GRIK4: variants seen among roughly 807,000 people sequenced by gnomAD.
GRIK4 encodes the protein glutamate receptor ionotropic, kainate 4.
GRIK4 carries 40 observed loss-of-function variants against 104.9 expected under a neutral mutation model. The observed-to-expected ratio is 0.38, with a 90% CI of 0.30 to 0.50. The LOEUF is 0.50. GRIK4 is among the 20% of genes least tolerant of loss of function. The pLI is 0.93. For missense variants in GRIK4, 1,047 were observed against 1,308.1 expected (o/e 0.80, Z 3.08); for synonymous variants, 485 against 524.9 (o/e 0.92, Z 1.04).
At chr11:120,568,046 T>C (rs893801707) in intron 1 of GRIK4, among the ~76,000 whole-genome samples, 4 of 152,136 alleles carry the variant, frequency 2.6e-5, no homozygotes, top group Non-Finnish European at 4.4e-5. Context: ...GGCATGGTGG[T>C]GCCTGCCTAA....
chr11:120,570,341 A>G (rs768255073), intron 1 of GRIK4, among the ~76,000 whole-genome samples: 1 of 152,150 alleles, frequency 6.6e-6, no homozygotes, highest in Non-Finnish European at 1.5e-5. Flanking sequence ...TTTTTGAAAT[A>G]ATGGCTTTCA....
intron 3 of GRIK4, among the ~76,000 whole-genome samples, chr11:120,684,982 C>T (rs967463345): frequency 6.6e-6 from 1 of 152,098 alleles, no homozygotes; most frequent in African/African-American, 2.4e-5. Flanking sequence ...CAGGCATGAG[C>T]CACCACACCT....
intron 3 of GRIK4, among the ~76,000 whole-genome samples, chr11:120,763,137 A>G (rs1023191575): frequency 6.6e-6 from 1 of 152,194 alleles, no homozygotes; most frequent in Non-Finnish European, 1.5e-5. Flanking sequence ...TTATTGGTCT[A>G]TTCAGGAATT....
intron 3 of GRIK4, among the ~76,000 whole-genome samples, chr11:120,792,794 C>T (rs1952426798): frequency 6.6e-6 from 1 of 152,120 alleles, no homozygotes; most frequent in African/African-American, 2.4e-5. Context: ...AGATGCTCTG[C>T]AGATACGTTC....
chr11:120,665,957 C>A (rs1949907065), intron 3 of GRIK4, among the ~76,000 whole-genome samples: 1 of 152,158 alleles, frequency 6.6e-6, no homozygotes. Flanking sequence ...TTGCCCTTTC[C>A]AAAACCCATT....
At chr11:120,827,876 G>A (rs1265991469) in intron 6 of GRIK4, among the ~76,000 whole-genome samples, 1 of 152,122 alleles carries the variant, frequency 6.6e-6, no homozygotes, top group Non-Finnish European at 1.5e-5. Context: ...CTACCTCATG[G>A]GCAGCCCACT....
At chr11:120,532,889 C>CG (rs1287688089) in intron 1 of GRIK4, among the ~76,000 whole-genome samples, 1 of 152,116 alleles carries the variant, frequency 6.6e-6, no homozygotes, top group Non-Finnish European at 1.5e-5. Context: ...GGGATGAGCC[C>CG]GGTAGGGCTG....
intron 3 of GRIK4, among the ~76,000 whole-genome samples, chr11:120,736,534 G>A (rs1951225207): frequency 6.6e-6 from 1 of 152,144 alleles, no homozygotes; most frequent in African/African-American, 2.4e-5. Flanking sequence ...TAATTTACTG[G>A]TAGTGGTATT....
chr11:120,555,621 A>G lies in GRIK4; in HGVS notation c.-159+43734A>G, dbSNP rs1948179332. 6.6e-6 allele frequency among the ~76,000 whole-genome samples: 1 copy of G among 152,108 alleles called. No homozygotes were observed. The highest frequency in any genetic ancestry group is 6.5e-5 in the Admixed American group (1 of 15,268). ...CTTCTGGGGAGTTTCTTATCTGGCA[A>G]ATGGGACCGAGACACATCCAATGCC... On this transcript the variant is annotated intron_variant, in intron 1 of 20. Coordinates refer to ENST00000527524, the MANE Select transcript of GRIK4 (RefSeq NM_014619.5). The surrounding 1 kb of genome is among the most constrained non-coding windows in gnomAD (Gnocchi z 5.3).
At chr11:120,892,000 C>T (rs1955314900) in intron 11 of GRIK4, among the ~76,000 whole-genome samples, 2 of 152,188 alleles carry the variant, frequency 1.3e-5, no homozygotes, top group East Asian at 1.9e-4. Flanking sequence ...GGCGAGGCTA[C>T]GTTCCAATAA....
intron 2 of GRIK4, among the ~76,000 whole-genome samples, chr11:120,654,699 G>A (rs559035519): frequency 1.3e-5 from 2 of 152,286 alleles, no homozygotes; most frequent in East Asian, 3.9e-4. Context: ...GAGCAGCAGT[G>A]CATAGCATCT....
At chr11:120,937,965 AT>A (rs937960695) in intron 13 of GRIK4, among the ~76,000 whole-genome samples, 54 of 150,690 alleles carry the variant, frequency 3.6e-4, no homozygotes, top group East Asian at 5.8e-4. Flanking sequence ...ATTGATTTGG[AT>A]TTTTTTTTTA....
chr11:120,806,384 G>A (rs888342762), intron 4 of GRIK4, among the ~76,000 whole-genome samples: 14 of 152,102 alleles, frequency 9.2e-5, no homozygotes, highest in African/African-American at 3.1e-4. Flanking sequence ...TAAAGTTGTG[G>A]TGAGCCACCT....
chr11:120,777,425 A>G (rs1227848973), intron 3 of GRIK4, among the ~76,000 whole-genome samples: 2 of 152,248 alleles, frequency 1.3e-5, no homozygotes, highest in Non-Finnish European at 2.9e-5. Flanking sequence ...CCAGTGCCCC[A>G]TAGTCACATT....
intron 18 of GRIK4, among the ~76,000 whole-genome samples, chr11:120,964,511 T>C (rs991665505): frequency 6.6e-6 from 1 of 152,194 alleles, no homozygotes; most frequent in African/African-American, 2.4e-5. Flanking sequence ...TTGAGAGATA[T>C]ACTCGCTGAC....
At position 120,819,654 on chromosome 11, in the gene GRIK4, T is replaced by C; in HGVS notation, c.346-101T>C. 6 of 1,121,652 alleles carry C rather than the reference T, an allele frequency of 5.3e-6. No individual in the cohort carries two copies. The highest frequency in any genetic ancestry group is 8.0e-6 in the Non-Finnish European group (6 of 750,384). The allele number at this position is 1,121,652 out of a possible 1,614,324, so 69.5% of individuals were successfully genotyped here. A position where few individuals can be genotyped will look rare whatever the true frequency, so the allele number is the denominator to read the frequency against. On this transcript the variant is annotated intron_variant, in intron 5 of 20. Coordinates refer to ENST00000527524, the MANE Select transcript of GRIK4 (RefSeq NM_014619.5). The surrounding 1 kb of genome is among the most constrained non-coding windows in gnomAD (Gnocchi z 4.3). ...ATTGGTGTCTGGCGAAGGTGTTACA[T>C]AAAAGAACTCACCCTCCACAACCTC... is the stretch of plus-strand genomic sequence containing the variant.
chr11:120,560,210 G>A (rs1246224846), intron 1 of GRIK4, among the ~76,000 whole-genome samples: 6 of 152,104 alleles, frequency 3.9e-5, no homozygotes, highest in African/African-American at 7.2e-5. Context: ...CACCACGCCC[G>A]GCTAATTTTT....
chr11:120,700,384 C>T (rs991077296), intron 3 of GRIK4, among the ~76,000 whole-genome samples: 2 of 151,752 alleles, frequency 1.3e-5, no homozygotes, highest in Admixed American at 1.3e-4. Flanking sequence ...AGCGATTCTC[C>T]TGCCTCAGCC....
intron 19 of GRIK4, among the ~76,000 whole-genome samples, chr11:120,978,410 A>T (rs536150479): frequency 2.6e-5 from 4 of 152,202 alleles, no homozygotes; most frequent in Non-Finnish European, 5.9e-5. Context: ...GTGTCTGGGG[A>T]GTAGGGGTAG....
Sources: allele counts gnomAD v4.1 joint callset (sites outside exome capture counted in the v4.1 genomes callset), GRCh38; gene constraint gnomAD v4.1.1; non-coding constraint Gnocchi (gnomAD v3.1); transcripts MANE v1.5; gene names NCBI Gene and HGNC (gene_info 2026-07-23, HGNC 2026-07-21).